CCBE1: variants seen among roughly 807,000 people sequenced by gnomAD.
CCBE1 encodes collagen and calcium binding EGF domains 1.
A neutral mutation model predicts 50.0 loss-of-function variants in CCBE1; 37 were observed. That is an observed-to-expected ratio of 0.74 (90% CI 0.57 to 0.97). CCBE1 has a LOEUF of 0.97. Ranked by LOEUF, CCBE1 falls within the 50% of genes least tolerant of loss-of-function variation. The probability of loss-of-function intolerance (pLI) is 0.00; values close to 1 mark genes in which losing one functional copy is unlikely to be tolerated. For missense variants in CCBE1, 538 were observed against 523.8 expected (o/e 1.03, Z -0.26); for synonymous variants, 234 against 203.7 (o/e 1.15, Z -1.27).
At chr18:59,688,840 C>A (rs1169690618) in intron 2 of CCBE1, among the ~76,000 whole-genome samples, 1 of 152,138 alleles carries the variant, frequency 6.6e-6, no homozygotes, top group African/African-American at 2.4e-5. Flanking sequence ...AGGTGATACA[C>A]AGGTAAGTGA....
chr18:59,661,000 TG>T, intron 2 of CCBE1, among the ~76,000 whole-genome samples: 1 of 119,718 alleles, frequency 8.4e-6, no homozygotes, highest in South Asian at 2.4e-4. Flanking sequence ...GACTGGGAGG[TG>T]TTTTTTTTTG....
Position 59,697,193 on chromosome 18 carries a change from T to C in CCBE1, c.131+19A>G. 6.5e-7 allele frequency: 1 copy of C among 1,548,220 alleles called. No homozygotes were observed. The highest frequency in any genetic ancestry group is 2.1e-4 in the Middle Eastern group (1 of 4,762). On this transcript the variant is annotated intron_variant, in intron 1 of 10. Coordinates refer to ENST00000439986, the MANE Select transcript of CCBE1 (RefSeq NM_133459.4). ...CATCAAGCAGGAGCTCGCCCTCCGCTGGGGCTTGCAGCGCTTACCTGTCGC... is the reference window on the plus strand; with the variant it reads ...CATCAAGCAGGAGCTCGCCCTCCGCCGGGGCTTGCAGCGCTTACCTGTCGC...
At chr18:59,498,478 G>A (rs942698704) in intron 2 of CCBE1, among the ~76,000 whole-genome samples, 3 of 152,140 alleles carry the variant, frequency 2.0e-5, no homozygotes, top group East Asian at 1.9e-4. Context: ...ATTGAGACTT[G>A]CATTCTAACA....
intron 10 of CCBE1, among the ~76,000 whole-genome samples, 180 bp from the exon 11 acceptor site, chr18:59,436,321 T>C (rs181095969): frequency 1.1e-4 from 17 of 152,334 alleles, no homozygotes; most frequent in African/African-American, 4.1e-4. Context: ...TCTAATTCTG[T>C]CACTTCTCAG....
At chr18:59,499,602 G>A (rs1913519857) in intron 2 of CCBE1, among the ~76,000 whole-genome samples, 1 of 151,898 alleles carries the variant, frequency 6.6e-6, no homozygotes, top group Non-Finnish European at 1.5e-5. Context: ...ATCAGATCCT[G>A]TGAGACGTAT....
chr18:59,530,477 A>T (rs1915004639), intron 2 of CCBE1, among the ~76,000 whole-genome samples: 1 of 152,154 alleles, frequency 6.6e-6, no homozygotes, highest in South Asian at 2.1e-4. Flanking sequence ...TGCCTTCTTG[A>T]ACCTCACTCT....
chr18:59,621,114 G>A lies in CCBE1; in HGVS notation c.212+75515C>T, dbSNP rs1421022102. The stretch of plus-strand genomic sequence containing the variant: ...CACCTCTCTTAGAAGGGATTCCCAG[G>A]ACTCCAGCAAAACAGAGCATGTGAC... On this transcript the variant is annotated intron_variant, in intron 2 of 10. Coordinates refer to ENST00000439986, the MANE Select transcript of CCBE1 (RefSeq NM_133459.4). Among the ~76,000 whole-genome samples, 5 of 152,230 alleles carry A rather than the reference G, an allele frequency of 3.3e-5. 1 individual carries two copies. In the South Asian group the frequency reaches 1.0e-3, roughly 32 times the overall value.
At chr18:59,479,388 C>T (rs974953296) in intron 3 of CCBE1, among the ~76,000 whole-genome samples, 2 of 152,108 alleles carry the variant, frequency 1.3e-5, no homozygotes, top group Non-Finnish European at 2.9e-5. Context: ...TGTATATGTC[C>T]CCTCTGAACA....
chr18:59,590,494 G>GT (rs1272181498), intron 2 of CCBE1, among the ~76,000 whole-genome samples: 2 of 150,830 alleles, frequency 1.3e-5, no homozygotes, highest in African/African-American at 2.4e-5. Flanking sequence ...TCAAATTTTT[G>GT]TTTTTTTATG....
rs570883624 is a variant in CCBE1, at chr18:59,431,193, A to C, written c.*4715T>G. 24 of 152,234 alleles carry C rather than the reference A, an allele frequency of 1.6e-4. No individual in the cohort carries two copies. Among genetic ancestry groups the C allele is most frequent in the Non-Finnish European group, 2.5e-4 (17 of 68,042 alleles). The allele number at this position is 152,234 out of a possible 1,614,324, so 9.4% of individuals were successfully genotyped here. A position where few individuals can be genotyped will look rare whatever the true frequency, so the allele number is the denominator to read the frequency against. ...TCCTTTTCTATGATTTCCCTAGAGC[A>C]GTAACGTTTGTTGAGGGAGCATGTG... is the stretch of plus-strand genomic sequence containing the variant. On this transcript the variant is annotated 3_prime_UTR_variant, in exon 11 of 11. Coordinates refer to ENST00000439986, the MANE Select transcript of CCBE1 (RefSeq NM_133459.4).
intron 2 of CCBE1, among the ~76,000 whole-genome samples, chr18:59,625,644 A>T (rs2053773649): frequency 6.6e-6 from 1 of 152,164 alleles, no homozygotes; most frequent in Admixed American, 6.5e-5. Context: ...TTGAATGCAG[A>T]ACCAGCTGCT....
At chr18:59,534,924 GAAC>G (rs1277176248) in intron 2 of CCBE1, among the ~76,000 whole-genome samples, 1 of 152,172 alleles carries the variant, frequency 6.6e-6, no homozygotes, top group East Asian at 1.9e-4. Flanking sequence ...AGAAAAAACA[GAAC>G]AAAACTCATT....
At chr18:59,666,493 A>G (rs1403539909) in intron 2 of CCBE1, among the ~76,000 whole-genome samples, 2 of 152,236 alleles carry the variant, frequency 1.3e-5, no homozygotes. Flanking sequence ...TAAGCCAGCA[A>G]CTGCAATCAC....
At chr18:59,682,671 G>T (rs2054606358) in intron 2 of CCBE1, among the ~76,000 whole-genome samples, 1 of 152,158 alleles carries the variant, frequency 6.6e-6, no homozygotes, top group Non-Finnish European at 1.5e-5. Flanking sequence ...CTGAAAAAAA[G>T]CAATTGTAGA....
intron 2 of CCBE1, among the ~76,000 whole-genome samples, chr18:59,560,315 C>G (rs1290119760): frequency 6.6e-6 from 1 of 152,180 alleles, no homozygotes; most frequent in African/African-American, 2.4e-5. Context: ...AATAAAAAAG[C>G]AGTTAGCATC....
At chr18:59,690,871 A>C (rs1429578) in intron 2 of CCBE1, among the ~76,000 whole-genome samples, 1 of 152,144 alleles carries the variant, frequency 6.6e-6, no homozygotes, top group East Asian at 1.9e-4. Context: ...TTAAACACAC[A>C]GGCAGGAACC....
chr18:59,477,235 C>A (rs1205672226), intron 3 of CCBE1, among the ~76,000 whole-genome samples: 4 of 152,194 alleles, frequency 2.6e-5, no homozygotes, highest in Non-Finnish European at 5.9e-5. Flanking sequence ...ACACCAGAAA[C>A]ACCTTAGGTG....
chr18:59,492,977 CCA>C (rs1403186000), intron 2 of CCBE1, among the ~76,000 whole-genome samples: 2 of 152,218 alleles, frequency 1.3e-5, no homozygotes, highest in Non-Finnish European at 2.9e-5. Context: ...CTTCCTCCCA[CCA>C]CACTGTGGGC....
intron 3 of CCBE1, among the ~76,000 whole-genome samples, chr18:59,472,552 A>T (rs947587924): frequency 2.6e-5 from 4 of 152,226 alleles, no homozygotes; most frequent in Non-Finnish European, 5.9e-5. Flanking sequence ...GGTCTGCTGC[A>T]CAGCAGCTAC....
Sources: gnomAD v4.1 joint callset for allele counts (sites outside exome capture counted in the v4.1 genomes callset) on GRCh38, gnomAD v4.1.1 for gene constraint, MANE v1.5 for transcripts, NCBI Gene and HGNC (gene_info 2026-07-23, HGNC 2026-07-21) for gene names.